Variants in PCCA observed in about 807,000 individuals in gnomAD.
The protein encoded by PCCA is propionyl-CoA carboxylase subunit alpha, also known as propionyl-CoA carboxylase alpha chain, mitochondrial.
In PCCA, 74 loss-of-function variants were observed where a neutral mutation model predicts 101.3. That is an observed-to-expected ratio of 0.73 (90% CI 0.61 to 0.89). The LOEUF is 0.89. PCCA is among the 40% of genes least tolerant of loss of function. The pLI is 0.00. For missense variants in PCCA, 891 were observed against 907.0 expected, an observed-to-expected ratio of 0.98 and a Z score of 0.23; for synonymous variants, 294 against 313.6, an observed-to-expected ratio of 0.94 and a Z score of 0.66.
intron 20 of PCCA, among the ~76,000 whole-genome samples, chr13:100,447,396 G>A (rs2080913218): frequency 6.8e-6 from 1 of 148,018 alleles, no homozygotes; most frequent in Non-Finnish European, 1.5e-5. Flanking sequence ...AAAAAAAGAT[G>A]TGAAATGGGT....
At chr13:100,453,029 C>T (rs754891735) in intron 21 of PCCA, among the ~76,000 whole-genome samples, 1 of 151,622 alleles carries the variant, frequency 6.6e-6, no homozygotes, top group Non-Finnish European at 1.5e-5. Flanking sequence ...CAAAGGGAGA[C>T]CCCATCCTTA....
intron 18 of PCCA, among the ~76,000 whole-genome samples, chr13:100,359,096 C>CA (rs35233154): frequency 0.027 from 2,830 of 103,674 alleles, 192 homozygotes; most frequent in African/African-American, 0.097. Flanking sequence ...CAAGACTCCT[C>CA]AAAAAAAAAA....
At chr13:100,123,430 C>T (rs1428919293) in intron 4 of PCCA, among the ~76,000 whole-genome samples, 10 of 152,124 alleles carry the variant, frequency 6.6e-5, no homozygotes, top group Admixed American at 6.5e-4. Flanking sequence ...CTATAAATTT[C>T]CTATATATCA....
At chr13:100,398,434 T>C (rs1047677986) in intron 19 of PCCA, among the ~76,000 whole-genome samples, 1 of 152,192 alleles carries the variant, frequency 6.6e-6, no homozygotes, top group Admixed American at 6.5e-5. Context: ...ACGCACTTGC[T>C]AGAAGGATAT....
intron 17 of PCCA, 75 bp downstream of exon 17, chr13:100,330,746 C>CT: frequency 2.2e-6 from 2 of 899,208 alleles, no homozygotes; most frequent in South Asian, 1.4e-5. Flanking sequence ...TAATTTCACT[C>CT]TATTTTGAAA....
chr13:100,227,406 TTTTACTACCATTTAGTTAGTTTTTG>T, intron 7 of PCCA, among the ~76,000 whole-genome samples: 1 of 152,206 alleles, frequency 6.6e-6, no homozygotes. Flanking sequence ...TCTGGTTAGT[TTTTACTACCATTTAGTTAGTTTTTG>T]TAGCATCATC....
chr13:100,248,969 G>A (rs867535947), intron 8 of PCCA, among the ~76,000 whole-genome samples: 56 of 152,092 alleles, frequency 3.7e-4, no homozygotes, highest in African/African-American at 1.3e-3. Flanking sequence ...GGCCAGGCTG[G>A]TCTCGAACCC....
At chr13:100,293,595 T>C (rs983048693) in intron 12 of PCCA, among the ~76,000 whole-genome samples, 4 of 152,218 alleles carry the variant, frequency 2.6e-5, no homozygotes, top group Admixed American at 2.6e-4. Context: ...AAAGGATTTC[T>C]AACTAATTGT....
chr13:100,205,780 C>A (rs968527437), intron 6 of PCCA, among the ~76,000 whole-genome samples: 1 of 152,150 alleles, frequency 6.6e-6, no homozygotes, highest in African/African-American at 2.4e-5. Flanking sequence ...TTTAAAGCAG[C>A]ATTTATAATA....
rs369045588 is a variant in PCCA, at chr13:100,373,910, G to A, written c.1746+5336G>A. Among the ~76,000 whole-genome samples the A allele has an allele frequency of 2.6e-4, 40 of 152,086 alleles. No individual in the cohort carries two copies. In the East Asian group the frequency reaches 6.0e-3, roughly 23 times the overall value. On this transcript the variant is annotated intron_variant, in intron 19 of 23. Transcript: ENST00000376285. ...GTGGATCACCTGAGGTCAGGAGTTC[G>A]AGACCAGCCTGGCCAACATAGTGAA... is the stretch of plus-strand genomic sequence containing the variant.
At chr13:100,240,002 A>G (rs1467022899) in intron 8 of PCCA, among the ~76,000 whole-genome samples, 1 of 152,076 alleles carries the variant, frequency 6.6e-6, no homozygotes, top group African/African-American at 2.4e-5. Context: ...TTGTCAGTTC[A>G]TCTTATATAC....
At chr13:100,451,719 T>TCTC (rs1555299757) in intron 21 of PCCA, among the ~76,000 whole-genome samples, 1 of 122,128 alleles carries the variant, frequency 8.2e-6, no homozygotes, top group Non-Finnish European at 1.7e-5. Context: ...CTCTCTCCTC[T>TCTC]CTCTCTCTCT....
chr13:100,478,529 C>T (rs1036533859), intron 21 of PCCA, among the ~76,000 whole-genome samples: 2 of 152,210 alleles, frequency 1.3e-5, no homozygotes, highest in African/African-American at 4.8e-5. Flanking sequence ...TCCCCCAGCA[C>T]ACTCTCAGCC....
intron 17 of PCCA, among the ~76,000 whole-genome samples, chr13:100,337,117 TTACC>T (rs2070601728): frequency 1.3e-5 from 2 of 152,276 alleles, no homozygotes; most frequent in East Asian, 3.9e-4. Flanking sequence ...TTTAAAATAC[TTACC>T]GCGCCCCCAA....
At chr13:100,408,548 C>T (rs2077824513) in intron 19 of PCCA, among the ~76,000 whole-genome samples, 1 of 152,196 alleles carries the variant, frequency 6.6e-6, no homozygotes, top group African/African-American at 2.4e-5. Flanking sequence ...TTTACAGATA[C>T]CACACACAGT....
At chr13:100,167,701 G>T (rs924878379) in intron 6 of PCCA, among the ~76,000 whole-genome samples, 2 of 152,186 alleles carry the variant, frequency 1.3e-5, no homozygotes, top group Non-Finnish European at 2.9e-5. Flanking sequence ...GTGGTGTGAA[G>T]TAGGGTCTAA....
chr13:100,228,495 T>G (rs1312564814), intron 7 of PCCA, among the ~76,000 whole-genome samples: 1 of 152,186 alleles, frequency 6.6e-6, no homozygotes, highest in Admixed American at 6.5e-5. Context: ...CTTAAGAATA[T>G]TTTAAAGAGT....
chr13:100,346,879 G>GT (rs1028930773), intron 18 of PCCA, among the ~76,000 whole-genome samples: 274 of 147,096 alleles, frequency 1.9e-3, no homozygotes, highest in Middle Eastern at 3.6e-3. Flanking sequence ...TAGTAATAAA[G>GT]TTTTTTTTTT....
intron 2 of PCCA, among the ~76,000 whole-genome samples, chr13:100,111,478 G>A (rs2048318173): frequency 6.6e-6 from 1 of 152,050 alleles, no homozygotes; most frequent in Non-Finnish European, 1.5e-5. Flanking sequence ...AAGTCTTTTA[G>A]TGTCTGAAAT....
Sources: allele counts gnomAD v4.1 joint callset (sites outside exome capture counted in the v4.1 genomes callset), GRCh38; gene constraint gnomAD v4.1.1; transcripts MANE v1.5; gene names NCBI Gene and HGNC (gene_info 2026-07-23, HGNC 2026-07-21).